Variants in EPHA4 observed in about 807,000 individuals in gnomAD.
EPHA4 encodes the protein EPH receptor A4.
A neutral mutation model predicts 108.3 loss-of-function variants in EPHA4; 19 were observed. The observed-to-expected ratio is 0.18, with a 90% CI of 0.12 to 0.26. The LOEUF (loss-of-function observed/expected upper bound fraction) is 0.26, where lower values mean the gene tolerates loss of function less well. EPHA4 is among the 10% of genes least tolerant of loss of function. The pLI, the probability that EPHA4 is intolerant of heterozygous loss-of-function variation, is 1.00. For missense variants in EPHA4, 917 were observed against 1,254.0 expected, an observed-to-expected ratio of 0.73 and a Z score of 4.06; for synonymous variants, 449 against 455.5, an observed-to-expected ratio of 0.99 and a Z score of 0.18.
At position 221,501,793 on chromosome 2, in the gene EPHA4, G is replaced by C. The variant is rs116442378; in HGVS notation, c.824-621C>G. ...GAACCAAATCGAAAGATCAACAAAG[G>C]CAAGCAAGTAAAAAAGACGAGCTTG... On this transcript the variant is annotated intron_variant, in intron 3 of 17. Coordinates refer to ENST00000281821, the MANE Select transcript of EPHA4 (RefSeq NM_004438.5). Among the ~76,000 whole-genome samples the C allele has an allele frequency of 3.8e-3, 573 of 152,248 alleles. 3 individuals carry two copies. Among genetic ancestry groups the C allele is most frequent in the African/African-American group, 0.013 (552 of 41,528 alleles).
At chr2:221,523,054 C>A (rs1028144691) in intron 3 of EPHA4, among the ~76,000 whole-genome samples, 2 of 152,008 alleles carry the variant, frequency 1.3e-5, no homozygotes, top group Admixed American at 1.3e-4. Context: ...TGAGCCACCA[C>A]GCCCAGCCAA....
At position 221,418,069 on chromosome 2, in the gene EPHA4, C is replaced by T. The variant is rs1574544837; in HGVS notation, c.*3303G>A. 6.6e-6 allele frequency: 1 copy of T among 152,564 alleles called. No individual in the cohort carries two copies. The highest frequency in any genetic ancestry group is 1.5e-5 in the Non-Finnish European group (1 of 68,026). 9.5% of individuals were successfully genotyped at this position (152,564 alleles called of 1,614,324 possible). On this transcript the variant is annotated 3_prime_UTR_variant, in exon 18 of 18. Coordinates refer to ENST00000281821, the MANE Select transcript of EPHA4 (RefSeq NM_004438.5). ...GCAACTACTTTATTATTTTCAAATG[C>T]AAACTCTTTGCATTTAGTTTGCTAT...
Position 221,426,605 on chromosome 2 carries a change from A to C in EPHA4, c.2705T>G (p.Leu902Trp). The C allele has an allele frequency of 6.2e-7, 1 of 1,613,600 alleles. No homozygotes were observed. Among genetic ancestry groups the C allele is most frequent in the Non-Finnish European group, 8.5e-7 (1 of 1,179,900 alleles). ...GTESSRPNTA[L>W]LDPSSPEFSA... ...GAATTCAGGGGAGCTTGGATCCAAC[A>C]AGGCAGTGTTAGGTCTAGAAAGAGA... Residue 902 changes from leucine (L) to tryptophan (W), a missense_variant, in exon 16 of 18, where the codon TTG becomes TGG. Physicochemically the swap from Leu to Trp is moderately conservative, Grantham distance 61 (BLOSUM62 -2). Transcript: ENST00000281821.
chr2:221,472,239 A>G (rs567964867), intron 5 of EPHA4, among the ~76,000 whole-genome samples: 2 of 150,940 alleles, frequency 1.3e-5, no homozygotes, highest in East Asian at 3.9e-4. Flanking sequence ...AAAAAGAAAC[A>G]TGAACGAAAC....
chr2:221,480,753 G>A (rs528627181), intron 5 of EPHA4, among the ~76,000 whole-genome samples: 31 of 152,258 alleles, frequency 2.0e-4, no homozygotes, highest in East Asian at 5.8e-4. Flanking sequence ...GATACATTCC[G>A]GTAAGACTTG....
chr2:221,513,226 T>C (rs1692883571), intron 3 of EPHA4, among the ~76,000 whole-genome samples: 1 of 152,152 alleles, frequency 6.6e-6, no homozygotes, highest in African/African-American at 2.4e-5. Flanking sequence ...CATAAGTGAT[T>C]CTGTCATTAA....
chr2:221,573,407 C>A (rs1694908308), upstream of EPHA4: 1 of 152,144 alleles, frequency 6.6e-6, no homozygotes, highest in South Asian at 2.1e-4. This position sits in a 1 kb window ranked among gnomAD's most constrained non-coding sequence, Gnocchi z 4.5. Flanking sequence ...TTCCCGATGC[C>A]CGAGCCGTGG....
chr2:221,459,014 T>A (rs1409504363), intron 5 of EPHA4, among the ~76,000 whole-genome samples: 1 of 152,182 alleles, frequency 6.6e-6, no homozygotes, highest in Non-Finnish European at 1.5e-5. Flanking sequence ...TGCTGGGTCA[T>A]CCTCCTGCCC....
At chr2:221,542,890 TGAGA>T (rs1282944854) in intron 3 of EPHA4, among the ~76,000 whole-genome samples, 2 of 152,192 alleles carry the variant, frequency 1.3e-5, no homozygotes, top group Non-Finnish European at 2.9e-5. Flanking sequence ...CAAAAAACCT[TGAGA>T]AAGTAAAACT....
intron 11 of EPHA4, among the ~76,000 whole-genome samples, chr2:221,439,488 TTTC>T (rs1574563699): frequency 6.6e-6 from 1 of 151,660 alleles, no homozygotes. Flanking sequence ...TTTCTTTTCT[TTTC>T]TTTTTTTTTT....
intron 11 of EPHA4, chr2:221,437,333 C>A (rs1457678634): frequency 1.1e-5 from 5 of 438,782 alleles, no homozygotes; most frequent in African/African-American, 2.0e-5. Context: ...ATAGTTAAAC[C>A]TTTGGGTGGC....
At chr2:221,559,040 A>AT (rs34991266) in intron 3 of EPHA4, among the ~76,000 whole-genome samples, 8 of 151,774 alleles carry the variant, frequency 5.3e-5, no homozygotes, top group South Asian at 2.1e-4. Context: ...AAAAGAAATC[A>AT]TTTTTTTTGA....
intron 3 of EPHA4, among the ~76,000 whole-genome samples, chr2:221,507,004 C>T (rs1692651584): frequency 6.6e-6 from 1 of 152,140 alleles, no homozygotes; most frequent in Admixed American, 6.5e-5. Flanking sequence ...ATTACCAATT[C>T]AATTCCAAAT....
intron 13 of EPHA4, among the ~76,000 whole-genome samples, 161 bp downstream of exon 13, chr2:221,436,238 A>T (rs1690232989): frequency 6.6e-6 from 1 of 152,206 alleles, no homozygotes; most frequent in Admixed American, 6.5e-5. Flanking sequence ...TCCCTCTTTT[A>T]TTGGAAACAT....
intron 3 of EPHA4, among the ~76,000 whole-genome samples, chr2:221,543,419 T>G (rs1693895312): frequency 6.6e-6 from 1 of 152,184 alleles, no homozygotes; most frequent in South Asian, 2.1e-4. Flanking sequence ...AAAAGCAAAA[T>G]AAGTGTGGCT....
At chr2:221,526,962 A>C (rs1436542835) in intron 3 of EPHA4, among the ~76,000 whole-genome samples, 1 of 102,134 alleles carries the variant, frequency 9.8e-6, no homozygotes, top group African/African-American at 4.8e-5. Flanking sequence ...CTCTACTAAA[A>C]ATACAAAAAA....
chr2:221,503,689 T>C (rs569414750), intron 3 of EPHA4, among the ~76,000 whole-genome samples: 5 of 152,368 alleles, frequency 3.3e-5, no homozygotes, highest in African/African-American at 1.2e-4. Flanking sequence ...CCTTTTGCTT[T>C]TATAAAACAC....
intron 1 of EPHA4, among the ~76,000 whole-genome samples, chr2:221,569,675 G>C (rs1200662760): frequency 6.6e-6 from 1 of 151,922 alleles, no homozygotes; most frequent in Non-Finnish European, 1.5e-5. Context: ...TGCAGTCCTG[G>C]GGGTCGAAAG....
At chr2:221,490,410 C>A (rs1251180555) in intron 4 of EPHA4, among the ~76,000 whole-genome samples, 1 of 152,038 alleles carries the variant, frequency 6.6e-6, no homozygotes, top group Non-Finnish European at 1.5e-5. Context: ...TTTTAATCGC[C>A]ATTTTAAAAT....
Sources: allele counts gnomAD v4.1 joint callset (sites outside exome capture counted in the v4.1 genomes callset), GRCh38; gene constraint gnomAD v4.1.1; non-coding constraint Gnocchi (gnomAD v3.1); transcripts MANE v1.5; gene names NCBI Gene and HGNC (gene_info 2026-07-23, HGNC 2026-07-21).